The following HMG20A variants were observed in gnomAD, a reference collection of about 807,000 sequenced individuals.
HMG20A encodes the protein high mobility group 20A, also known as high mobility group protein 20A.
In HMG20A, 17 loss-of-function variants were observed where a neutral mutation model predicts 43.9. The ratio of observed to expected loss-of-function variants is 0.39; its 90% CI spans 0.27 to 0.58. The LOEUF is 0.58. Ranked by LOEUF, HMG20A falls within the 20% of genes least tolerant of loss-of-function variation. The probability of loss-of-function intolerance (pLI) is 0.59; values close to 1 mark genes in which losing one functional copy is unlikely to be tolerated. For missense variants in HMG20A, 341 were observed against 438.2 expected (o/e 0.78, Z 1.98); for synonymous variants, 132 against 147.5 (o/e 0.89, Z 0.76).
chr15:77,485,999 C>T (rs1202027165), downstream of HMG20A, among the ~76,000 whole-genome samples: 2 of 152,372 alleles, frequency 1.3e-5, no homozygotes, highest in East Asian at 1.9e-4. Flanking sequence ...GTCAACTCTA[C>T]ATTAATCATG....
chr15:77,501,151 A>T, the HMG20A span, among the ~76,000 whole-genome samples: 1 of 152,202 alleles, frequency 6.6e-6, no homozygotes, highest in African/African-American at 2.4e-5. Flanking sequence ...TGCCTGGGAC[A>T]AAGTAAGCAC....
At chr15:77,474,904 A>G (rs2072841739) in intron 6 of HMG20A, among the ~76,000 whole-genome samples, 1 of 151,958 alleles carries the variant, frequency 6.6e-6, no homozygotes, top group East Asian at 1.9e-4. Flanking sequence ...CTTAACCTCC[A>G]CTCAATATAT....
At chr15:77,503,114 A>G in the HMG20A span, among the ~76,000 whole-genome samples, 1 of 152,216 alleles carries the variant, frequency 6.6e-6, no homozygotes, top group Admixed American at 6.5e-5. Flanking sequence ...GGAAGATGCA[A>G]CTTCTATCCA....
At chr15:77,518,057 C>A in the HMG20A span, among the ~76,000 whole-genome samples, 8 of 152,328 alleles carry the variant, frequency 5.3e-5, no homozygotes, top group African/African-American at 1.9e-4. Flanking sequence ...CTCATCAACA[C>A]TAGCCTGGCC....
the HMG20A span, among the ~76,000 whole-genome samples, chr15:77,499,571 C>G: frequency 1.3e-5 from 2 of 152,154 alleles, no homozygotes; most frequent in Non-Finnish European, 2.9e-5. Flanking sequence ...CCCCTAACAG[C>G]TGGCCCTTCT....
intron 1 of HMG20A, among the ~76,000 whole-genome samples, chr15:77,432,801 T>C (rs2142278468): frequency 6.8e-6 from 1 of 148,074 alleles, no homozygotes; most frequent in Non-Finnish European, 1.5e-5. Context: ...AAAAGATTAG[T>C]AAAATGCATA....
At chr15:77,494,239 C>T in the HMG20A span, among the ~76,000 whole-genome samples, 1 of 152,288 alleles carries the variant, frequency 6.6e-6, no homozygotes, top group African/African-American at 2.4e-5. Flanking sequence ...AAGAGATCTT[C>T]CCACCTCAGT....
intron 5 of HMG20A, among the ~76,000 whole-genome samples, chr15:77,471,538 C>T (rs1387005096): frequency 6.6e-6 from 1 of 152,164 alleles, no homozygotes; most frequent in Admixed American, 6.5e-5. Flanking sequence ...ACTCTTCCAC[C>T]CTTTTCTCCC....
intron 1 of HMG20A, among the ~76,000 whole-genome samples, chr15:77,443,370 G>GATTATTATTATTATT (rs1491137059): frequency 8.0e-6 from 1 of 124,798 alleles, no homozygotes; most frequent in African/African-American, 2.8e-5. Context: ...TGATGATGAT[G>GATTATTATTATTATT]ATGATGATGA....
the HMG20A span, among the ~76,000 whole-genome samples, chr15:77,492,664 A>AT: frequency 6.6e-6 from 1 of 151,792 alleles, no homozygotes; most frequent in African/African-American, 2.4e-5. Context: ...TAAAAAAAAA[A>AT]TTTTTAATTA....
chr15:77,476,486 GAAAAAAAAAA>G (rs148901766), intron 6 of HMG20A, among the ~76,000 whole-genome samples: 12 of 81,436 alleles, frequency 1.5e-4, no homozygotes, highest in South Asian at 4.5e-4. Flanking sequence ...CTCCCTCTCA[GAAAAAAAAAA>G]AAAAAAAAAA....
At chr15:77,465,871 C>A (rs1188305425) in intron 3 of HMG20A, among the ~76,000 whole-genome samples, 3 of 152,080 alleles carry the variant, frequency 2.0e-5, no homozygotes, top group Non-Finnish European at 4.4e-5. Flanking sequence ...AATAAGAATT[C>A]TTGTATCCAT....
chr15:77,511,763 T>C, the HMG20A span, among the ~76,000 whole-genome samples: 1 of 152,074 alleles, frequency 6.6e-6, no homozygotes, highest in South Asian at 2.1e-4. Flanking sequence ...AAAATAAGCA[T>C]GGGTGATGAT....
rs2072764683 is a variant in HMG20A, at chr15:77,467,209, C to G, written c.352C>G (p.Arg118Gly). ...TGYVRFMNER[R>G]EQLRAKRPEV... Reference sequence around the variant, plus strand: ...ATATGTTCGGTTCATGAATGAGCGTCGAGAACAACTTCGAGCAAAGAGACC... The same window carrying G: ...ATATGTTCGGTTCATGAATGAGCGTGGAGAACAACTTCGAGCAAAGAGACC... Residue 118 changes from arginine (R) to glycine (G), a missense_variant, in exon 4 of 10, where the codon CGA (arginine) becomes GGA (glycine). Around this residue, in one of 3 missense-constraint regions of HMG20A, gnomAD observed 220 missense variants for 263.6 expected, o/e 0.83. Transcript: ENST00000336216. 1 of 1,613,946 alleles carries G rather than the reference C, an allele frequency of 6.2e-7. No homozygotes were observed. The highest frequency in any genetic ancestry group is 8.5e-7 in the Non-Finnish European group (1 of 1,179,990).
At chr15:77,439,964 A>T (rs952758636) in intron 1 of HMG20A, among the ~76,000 whole-genome samples, 9 of 151,870 alleles carry the variant, frequency 5.9e-5, no homozygotes, top group African/African-American at 2.4e-5. Context: ...GCTATTGATC[A>T]TTTGGATAGT....
At chr15:77,431,292 A>G (rs1416333621) in intron 1 of HMG20A, among the ~76,000 whole-genome samples, 2 of 152,082 alleles carry the variant, frequency 1.3e-5, no homozygotes, top group Non-Finnish European at 2.9e-5. Context: ...GCTCACTGCA[A>G]CCTTTGCCTC....
the HMG20A span, among the ~76,000 whole-genome samples, chr15:77,514,517 TA>T: frequency 1.3e-5 from 2 of 152,188 alleles, no homozygotes; most frequent in African/African-American, 4.8e-5. Flanking sequence ...GTTTACTCTA[TA>T]AAAGTTACAC....
In HMG20A at chr15:77,464,274, G is replaced by A. The variant is rs930939773; in HGVS notation, c.124G>A (p.Ala42Thr). The change falls in exon 3 of 10, where the codon GCC becomes ACC. Residue 42 changes from alanine (A) to threonine (T), a missense_variant. Coordinates refer to ENST00000336216, the MANE Select transcript of HMG20A (RefSeq NM_001304504.2). Reference protein sequence around the residue: ...NHPEVPYSSGATSSTNNPEFV... With the variant: ...NHPEVPYSSGTTSSTNNPEFV... Reference sequence around the variant, plus strand: ...CCCAGAGGTTCCATACAGTAGTGGCGCCACATCATCCACCAACAATCCAGA... The same window carrying A: ...CCCAGAGGTTCCATACAGTAGTGGCACCACATCATCCACCAACAATCCAGA... 7 of 1,613,630 alleles carry A rather than the reference G, an allele frequency of 4.3e-6. No individual in the cohort carries two copies. Among genetic ancestry groups the A allele is most frequent in the Middle Eastern group, 1.6e-4 (1 of 6,082 alleles).
At chr15:77,423,417 T>A (rs2073391834) in intron 1 of HMG20A, among the ~76,000 whole-genome samples, 2 of 152,200 alleles carry the variant, frequency 1.3e-5, no homozygotes, top group Non-Finnish European at 2.9e-5. Flanking sequence ...TTTCTTTGCA[T>A]GTTTAATAGA....
Sources: allele counts gnomAD v4.1 joint callset (sites outside exome capture counted in the v4.1 genomes callset), GRCh38; gene constraint gnomAD v4.1.1; regional missense constraint gnomAD v4.1.1; transcripts MANE v1.5; gene names NCBI Gene and HGNC (gene_info 2026-07-23, HGNC 2026-07-21).